Variants in SYT1 observed in about 807,000 individuals in gnomAD.
SYT1 encodes synaptotagmin 1, also known as synaptotagmin-1.
In SYT1, 8 loss-of-function variants were observed where a neutral mutation model predicts 44.8. The ratio of observed to expected loss-of-function variants is 0.18; its 90% confidence interval spans 0.10 to 0.32. The LOEUF (loss-of-function observed/expected upper bound fraction) is 0.32. Ranked by LOEUF, SYT1 falls within the 10% of genes least tolerant of loss-of-function variation. SYT1 has a pLI of 1.00. For synonymous variants in SYT1, 154 were observed against 188.8 expected, an observed-to-expected ratio of 0.82 and a Z score of 1.51; for missense variants, 286 against 509.3, an observed-to-expected ratio of 0.56 and a Z score of 4.22.
chr12:79,051,072 C>G (rs1345721200), intron 3 of SYT1, among the ~76,000 whole-genome samples: 1 of 151,534 alleles, frequency 6.6e-6, no homozygotes, highest in African/African-American at 2.4e-5. Flanking sequence ...TAATTAACCA[C>G]CCACCATTTT....
intron 3 of SYT1, among the ~76,000 whole-genome samples, chr12:79,058,073 A>T (rs979390826): frequency 2.6e-5 from 4 of 152,044 alleles, no homozygotes; most frequent in African/African-American, 9.7e-5. Context: ...GAAGTGAACA[A>T]TTATTAGTGT....
chr12:79,406,993 G>A (rs1705942526), intron 9 of SYT1, among the ~76,000 whole-genome samples: 2 of 152,000 alleles, frequency 1.3e-5, no homozygotes, highest in Admixed American at 1.3e-4. Context: ...TATGGCCCTG[G>A]ACAAGTTAAT....
intron 3 of SYT1, among the ~76,000 whole-genome samples, chr12:79,072,697 T>G (rs1162800213): frequency 6.6e-6 from 1 of 152,166 alleles, no homozygotes; most frequent in Non-Finnish European, 1.5e-5. Flanking sequence ...GAGACTCTAT[T>G]TAATCATTAT....
intron 1 of SYT1, among the ~76,000 whole-genome samples, chr12:78,882,941 G>A (rs1874536865): frequency 6.6e-6 from 1 of 151,360 alleles, no homozygotes; most frequent in South Asian, 2.1e-4. Flanking sequence ...CTCTGGGTGT[G>A]AAAACTCATT....
At chr12:79,338,922 GT>G (rs201077882) in intron 8 of SYT1, among the ~76,000 whole-genome samples, 1 of 151,916 alleles carries the variant, frequency 6.6e-6, no homozygotes, top group Admixed American at 6.6e-5. Flanking sequence ...TGCAGTGTTT[GT>G]TTTTCTGTCC....
chr12:79,315,506 A>C (rs1881037431), intron 8 of SYT1, among the ~76,000 whole-genome samples: 1 of 152,092 alleles, frequency 6.6e-6, no homozygotes, highest in Non-Finnish European at 1.5e-5. Flanking sequence ...CCAGTCCTAA[A>C]TCTGTTTTTA....
chr12:79,262,031 A>G (rs1429531841), intron 4 of SYT1, among the ~76,000 whole-genome samples: 6 of 152,170 alleles, frequency 3.9e-5, no homozygotes, highest in African/African-American at 1.4e-4. Flanking sequence ...GCTCTATGAG[A>G]TCAATAAATC....
chr12:78,967,351 G>A (rs1007308034), intron 1 of SYT1, among the ~76,000 whole-genome samples: 1 of 152,162 alleles, frequency 6.6e-6, no homozygotes, highest in Non-Finnish European at 1.5e-5. Context: ...GTGAAGCTTG[G>A]ATTGAAGTGG....
intron 4 of SYT1, among the ~76,000 whole-genome samples, chr12:79,275,697 A>G (rs895908431): frequency 2.0e-5 from 3 of 152,124 alleles, no homozygotes; most frequent in African/African-American, 7.2e-5. Flanking sequence ...TTTGCCCACT[A>G]TTGGGTTTTG....
intron 3 of SYT1, among the ~76,000 whole-genome samples, chr12:79,169,186 AT>A (rs940433503): frequency 6.6e-6 from 1 of 152,012 alleles, no homozygotes; most frequent in Non-Finnish European, 1.5e-5. Flanking sequence ...CCAGTGCCTC[AT>A]TTTTTTGAAG....
intron 3 of SYT1, among the ~76,000 whole-genome samples, chr12:79,196,237 G>A (rs1873451496): frequency 1.3e-5 from 2 of 151,686 alleles, no homozygotes. Flanking sequence ...TCACGATCTC[G>A]GCTCACTGCA....
chr12:79,045,539 T>G (rs1873977785), intron 2 of SYT1: 1 of 156,658 alleles, frequency 6.4e-6, no homozygotes, highest in Admixed American at 6.5e-5. Flanking sequence ...CCTAGTGAGA[T>G]GAACCCGGTA....
chr12:78,879,916 G>T (rs1874365889), intron 1 of SYT1, among the ~76,000 whole-genome samples: 1 of 151,620 alleles, frequency 6.6e-6, no homozygotes, highest in Non-Finnish European at 1.5e-5. Flanking sequence ...ATGTTGGAGT[G>T]CTTTCTTTTC....
intron 4 of SYT1, among the ~76,000 whole-genome samples, chr12:79,257,529 G>A (rs1877589783): frequency 6.6e-6 from 1 of 152,090 alleles, no homozygotes; most frequent in Non-Finnish European, 1.5e-5. Flanking sequence ...CGCCCAGGCC[G>A]GACTGCGGAC....
At chr12:79,041,836 G>A (rs1231559600) in intron 2 of SYT1, among the ~76,000 whole-genome samples, 1 of 151,818 alleles carries the variant, frequency 6.6e-6, no homozygotes, top group Non-Finnish European at 1.5e-5. Flanking sequence ...TAGCATGAAG[G>A]GTTGTTGAAT....
chr12:78,883,077 G>T (rs549376770), intron 1 of SYT1, among the ~76,000 whole-genome samples: 14 of 151,732 alleles, frequency 9.2e-5, no homozygotes, highest in African/African-American at 3.4e-4. Context: ...TGATTACCCA[G>T]TTGAGAATAA....
At position 78,909,884 on chromosome 12, in the gene SYT1, C is replaced by T. The variant is rs527653789; in HGVS notation, c.-217+44775C>T. ...TACCACCCACAACAGGTTGTTCTTT[C>T]AATTTTTAAAAAATGTACTCTCTCT... On this transcript the variant is annotated intron_variant, in intron 1 of 10. Transcript: ENST00000261205. Among the ~76,000 whole-genome samples, 275 of 152,044 alleles carry T rather than the reference C, an allele frequency of 1.8e-3. 2 individuals are homozygous for T. Among genetic ancestry groups the T allele is most frequent in the African/African-American group, 6.3e-3 (262 of 41,540 alleles).
At chr12:78,911,644 G>A (rs1257128444) in intron 1 of SYT1, among the ~76,000 whole-genome samples, 2 of 151,760 alleles carry the variant, frequency 1.3e-5, no homozygotes, top group African/African-American at 2.4e-5. Flanking sequence ...GAAGTCTTTC[G>A]GGATCCCAGC....
In SYT1 at chr12:79,000,529, C is replaced by T. The variant is rs144975060; in HGVS notation, c.-84+22598C>T. ...GGTCAGGCTTGTCTCAAACTCCTGA[C>T]CTCAGGTGATCCACCCACCTCAGCC... On this transcript the variant is annotated intron_variant, in intron 2 of 10. Coordinates refer to ENST00000261205, the MANE Select transcript of SYT1 (RefSeq NM_005639.3). Among the ~76,000 whole-genome samples the T allele has an allele frequency of 1.1e-4, 16 of 152,168 alleles. No homozygotes were observed. In the East Asian group the frequency reaches 2.7e-3, roughly 26 times the overall value.
Sources: gnomAD v4.1 joint callset for allele counts (sites outside exome capture counted in the v4.1 genomes callset) on GRCh38, gnomAD v4.1.1 for gene constraint, MANE v1.5 for transcripts, NCBI Gene and HGNC (gene_info 2026-07-23, HGNC 2026-07-21) for gene names.